The following STAU2 variants were observed in gnomAD, a reference collection of about 807,000 sequenced individuals.
The protein encoded by STAU2 is double-stranded RNA-binding protein Staufen homolog 2.
In STAU2, 20 loss-of-function variants were observed where a neutral mutation model predicts 65.9. The observed-to-expected ratio is 0.30, with a 90% CI of 0.21 to 0.44. STAU2 has a LOEUF of 0.44. Among genes scored for constraint, STAU2 ranks in the 20% least tolerant of loss-of-function variants. The probability of loss-of-function intolerance (pLI) is 1.00; values close to 1 mark genes in which losing one functional copy is unlikely to be tolerated. For synonymous variants in STAU2, 232 were observed against 233.9 expected, an observed-to-expected ratio of 0.99 and a Z score of 0.07; for missense variants, 558 against 683.9, an observed-to-expected ratio of 0.82 and a Z score of 2.05.
At chr8:73,639,942 G>A (rs1207694634) in intron 6 of STAU2, among the ~76,000 whole-genome samples, 1 of 152,108 alleles carries the variant, frequency 6.6e-6, no homozygotes, top group Non-Finnish European at 1.5e-5. Flanking sequence ...AGTATTCTAA[G>A]AATATTTACT....
At chr8:73,424,401 A>C (rs575891091) in intron 13 of STAU2, among the ~76,000 whole-genome samples, 8 of 152,038 alleles carry the variant, frequency 5.3e-5, no homozygotes, top group Admixed American at 5.2e-4. Flanking sequence ...GGGTTTCACC[A>C]TGTTGGCCAG....
chr8:73,467,484 A>T (rs1025620359), intron 13 of STAU2, among the ~76,000 whole-genome samples: 6 of 152,174 alleles, frequency 3.9e-5, no homozygotes, highest in Non-Finnish European at 8.8e-5. Flanking sequence ...GTGAGCCGAG[A>T]TCGCGCCACT....
intron 3 of STAU2, among the ~76,000 whole-genome samples, chr8:73,722,228 A>G (rs1373625108): frequency 1.3e-5 from 2 of 152,142 alleles, no homozygotes; most frequent in African/African-American, 4.8e-5. Context: ...TTACTTTTAG[A>G]TAAGTTATAA....
At chr8:73,575,747 G>C (rs1586041340) in intron 12 of STAU2, among the ~76,000 whole-genome samples, 1 of 151,910 alleles carries the variant, frequency 6.6e-6, no homozygotes, top group African/African-American at 2.4e-5. Context: ...GTGTATATAT[G>C]TGTGTATAAA....
At chr8:73,672,424 C>T (rs550487252) in intron 6 of STAU2, 8 of 152,126 alleles carry the variant, frequency 5.3e-5, no homozygotes, top group African/African-American at 1.9e-4. Flanking sequence ...GTGGTGATCA[C>T]GTGAGGCTAT....
At chr8:73,581,336 A>C (rs1371244550) in intron 12 of STAU2, among the ~76,000 whole-genome samples, 4 of 152,212 alleles carry the variant, frequency 2.6e-5, no homozygotes, top group Admixed American at 2.6e-4. Flanking sequence ...ATTCAATAAT[A>C]AGCTATATAT....
intron 6 of STAU2, among the ~76,000 whole-genome samples, chr8:73,626,859 C>T (rs1443938288): frequency 2.0e-5 from 3 of 152,060 alleles, no homozygotes; most frequent in African/African-American, 4.8e-5. Context: ...AAAGCAGCCA[C>T]GCTGAATCTG....
At chr8:73,634,898 A>AAT (rs1814377768) in intron 6 of STAU2, among the ~76,000 whole-genome samples, 1 of 152,140 alleles carries the variant, frequency 6.6e-6, no homozygotes, top group Non-Finnish European at 1.5e-5. Context: ...TTCCTATATA[A>AAT]GCACTTTTCA....
intron 3 of STAU2, 127 bp downstream of exon 3, chr8:73,738,157 T>A: frequency 2.4e-6 from 2 of 817,074 alleles, no homozygotes; most frequent in South Asian, 3.0e-5. Context: ...GACTATACAG[T>A]AGGTAACTGC....
At chr8:73,619,186 A>G (rs1813050322) in intron 6 of STAU2, among the ~76,000 whole-genome samples, 1 of 152,150 alleles carries the variant, frequency 6.6e-6, no homozygotes, top group Non-Finnish European at 1.5e-5. Context: ...AAAGCCAAGC[A>G]AGCACGATGT....
rs1807383367 is a variant in STAU2, at chr8:73,552,202, G to A, written c.1340C>T (p.Pro447Leu). Reference sequence around the variant, plus strand: ...AGATATACTGAAGAAAGAGCTTGAAGGTTGGTTCATATCTTTGGGTGACAA... The same window carrying A: ...AGATATACTGAAGAAAGAGCTTGAAAGTTGGTTCATATCTTTGGGTGACAA... The part of the protein sequence containing the change: ...GYLSPKDMNQ[P>L]SSSFFSISPT... The change falls in exon 13 of 15, where the codon CCT becomes CTT. Residue 447 changes from proline to leucine, a missense_variant. Physicochemically the swap from Pro to Leu is moderately conservative, Grantham distance 98. Around this residue, in one of 3 missense-constraint regions of STAU2, gnomAD observed 247 missense variants for 270.1 expected, o/e 0.91. Transcript: ENST00000524300. 2.5e-6 allele frequency: 4 copies of A among 1,613,924 alleles called. No homozygotes were observed. The African/African-American group carries it at 5.3e-5, about 22-fold the overall frequency.
chr8:73,686,092 G>A (rs1227705886), intron 5 of STAU2, among the ~76,000 whole-genome samples: 1 of 151,952 alleles, frequency 6.6e-6, no homozygotes, highest in East Asian at 1.9e-4. Flanking sequence ...TAAATGGGAG[G>A]TAAGCTACAA....
chr8:73,637,477 T>TGAAAAAAAAAAAA (rs1814617788), intron 6 of STAU2, among the ~76,000 whole-genome samples: 1 of 57,086 alleles, frequency 1.8e-5, no homozygotes, highest in Non-Finnish European at 3.0e-5. Context: ...GTGCTGAAAG[T>TGAAAAAAAAAAAA]AAAAAAAAAA....
chr8:73,687,082 G>A (rs1405754041), intron 5 of STAU2, among the ~76,000 whole-genome samples: 1 of 145,080 alleles, frequency 6.9e-6, no homozygotes, highest in Non-Finnish European at 1.5e-5. Flanking sequence ...TAGTAGAGAC[G>A]GGGTTTCACC....
At chr8:73,571,671 C>T (rs1340007715) in intron 12 of STAU2, among the ~76,000 whole-genome samples, 1 of 152,112 alleles carries the variant, frequency 6.6e-6, no homozygotes, top group Non-Finnish European at 1.5e-5. Flanking sequence ...GAAATGAAGG[C>T]AGAAATAAAG....
chr8:73,669,889 G>A (rs117082143), intron 6 of STAU2, among the ~76,000 whole-genome samples: 1,732 of 152,134 alleles, frequency 0.011, 25 homozygotes, highest in African/African-American at 0.035. Flanking sequence ...CCATTTAAAA[G>A]TAATAAATTC....
chr8:73,523,660 A>G (rs1049120851), intron 13 of STAU2, among the ~76,000 whole-genome samples: 3 of 152,076 alleles, frequency 2.0e-5, no homozygotes, highest in Non-Finnish European at 4.4e-5. Context: ...CCAGAATGTC[A>G]TATAAATGGA....
At chr8:73,571,630 C>A (rs905324855) in intron 12 of STAU2, among the ~76,000 whole-genome samples, 23 of 152,306 alleles carry the variant, frequency 1.5e-4, no homozygotes, top group Admixed American at 1.4e-3. Context: ...AACTGAACAA[C>A]CTGCTGCTGA....
chr8:73,527,090 T>C (rs764437847), intron 13 of STAU2, among the ~76,000 whole-genome samples: 28 of 152,224 alleles, frequency 1.8e-4, no homozygotes, highest in Non-Finnish European at 4.0e-4. Context: ...ACAGATACCA[T>C]TGCATTACAA....
Sources: gnomAD v4.1 joint callset for allele counts (sites outside exome capture counted in the v4.1 genomes callset) on GRCh38, gnomAD v4.1.1 for gene constraint, gnomAD v4.1.1 regional missense constraint, MANE v1.5 for transcripts, NCBI Gene and HGNC (gene_info 2026-07-23, HGNC 2026-07-21) for gene names.